Variants in KHDRBS2 observed in about 807,000 individuals in gnomAD.
KHDRBS2 encodes the protein KH RNA binding domain containing, signal transduction associated 2, also known as KH domain-containing, RNA-binding, signal transduction-associated protein 2.
KHDRBS2 carries 26 observed loss-of-function variants against 44.3 expected under a neutral mutation model. The observed-to-expected ratio is 0.59, with a 90% confidence interval of 0.43 to 0.81. The LOEUF is 0.81. KHDRBS2 is among the 40% of genes least tolerant of loss of function. The pLI is 0.00. For missense variants in KHDRBS2, 476 were observed against 433.1 expected (o/e 1.10, Z -0.88); for synonymous variants, 194 against 151.1 (o/e 1.28, Z -2.08).
chr6:61,967,716 A>T lies in KHDRBS2; in HGVS notation c.483+10350T>A, dbSNP rs1376143149. On this transcript the variant is annotated intron_variant, in intron 4 of 8. Transcript: ENST00000281156. The stretch of plus-strand genomic sequence containing the variant: ...TATTTTAATGTTGAAGTTATTTATT[A>T]GATTTCCTACACTGTCTAGGACTCA... Among the ~76,000 whole-genome samples, 15 of 151,644 alleles carry T rather than the reference A, an allele frequency of 9.9e-5. No individual in the cohort carries two copies. The Admixed American group carries it at 9.9e-4, about 10-fold the overall frequency.
chr6:61,983,236 C>CTTTT (rs1173961055), intron 3 of KHDRBS2, among the ~76,000 whole-genome samples: 3 of 118,500 alleles, frequency 2.5e-5, no homozygotes, highest in Non-Finnish European at 3.5e-5. Flanking sequence ...TTCTTTCTTT[C>CTTTT]TTTTTTTTTT....
intron 3 of KHDRBS2, among the ~76,000 whole-genome samples, chr6:62,045,178 G>T (rs750633248): frequency 6.6e-6 from 1 of 151,960 alleles, no homozygotes; most frequent in Non-Finnish European, 1.5e-5. Context: ...AAGAATGAAG[G>T]TGAGCCAGTG....
At chr6:61,746,701 C>T (rs984847520) in intron 6 of KHDRBS2, among the ~76,000 whole-genome samples, 4 of 151,910 alleles carry the variant, frequency 2.6e-5, no homozygotes, top group African/African-American at 7.3e-5. Context: ...TGGTATTTCT[C>T]AATGGTATTT....
At chr6:61,842,758 T>G (rs475351) in intron 6 of KHDRBS2, among the ~76,000 whole-genome samples, 1 of 151,840 alleles carries the variant, frequency 6.6e-6, no homozygotes, top group African/African-American at 2.4e-5. Context: ...CCACACAAAA[T>G]CTTGTACACA....
chr6:62,197,761 T>C (rs866208426), intron 1 of KHDRBS2, among the ~76,000 whole-genome samples: 1 of 152,076 alleles, frequency 6.6e-6, no homozygotes, highest in Non-Finnish European at 1.5e-5. Context: ...CAGAACTCTC[T>C]ACCCCAAATC....
intron 7 of KHDRBS2, among the ~76,000 whole-genome samples, chr6:61,710,535 A>G (rs1319565807): frequency 4.0e-5 from 6 of 151,518 alleles, no homozygotes; most frequent in Admixed American, 3.3e-4. Context: ...ACTCTGTATC[A>G]AGGCATGGTG....
rs201968549 is a variant in KHDRBS2, at chr6:61,783,733, CTAAT to C, written c.811-50973_811-50970del. ...GGTGAAATGTATTTATTTTCTAAAA[CTAAT>C]TAAATTTTTATTTTATATAAAATTA... On this transcript the variant is annotated intron_variant, in intron 6 of 8. Transcript: ENST00000281156. 4.5e-4 allele frequency among the ~76,000 whole-genome samples: 69 copies of C among 151,938 alleles called. No individual in the cohort carries two copies. The East Asian group carries it at 0.01, about 23-fold the overall frequency.
At chr6:62,064,823 C>T (rs1039443156) in intron 2 of KHDRBS2, among the ~76,000 whole-genome samples, 1 of 151,390 alleles carries the variant, frequency 6.6e-6, no homozygotes, top group African/African-American at 2.4e-5. Flanking sequence ...GCAAAAGAAA[C>T]TACCATCAGA....
intron 3 of KHDRBS2, among the ~76,000 whole-genome samples, chr6:62,020,146 T>G (rs1781986698): frequency 6.6e-6 from 1 of 152,054 alleles, no homozygotes; most frequent in Admixed American, 6.6e-5. Context: ...AAATAATGCC[T>G]ATAGTCCTTT....
the KHDRBS2 span, among the ~76,000 whole-genome samples, chr6:61,589,042 A>G: frequency 6.6e-6 from 1 of 151,956 alleles, no homozygotes. Flanking sequence ...AAGGAGGGTA[A>G]CATCACACAC....
chr6:62,024,419 C>T (rs1782927492), intron 3 of KHDRBS2, among the ~76,000 whole-genome samples: 1 of 151,422 alleles, frequency 6.6e-6, no homozygotes, highest in African/African-American at 2.4e-5. Flanking sequence ...AACTGAAGCA[C>T]ACACTACAAA....
At chr6:61,580,168 G>A in the KHDRBS2 span, among the ~76,000 whole-genome samples, 1 of 152,174 alleles carries the variant, frequency 6.6e-6, no homozygotes, top group Non-Finnish European at 1.5e-5. Context: ...AGTAAACTTT[G>A]ACAACTAATC....
chr6:62,044,440 T>C (rs1787225759), intron 3 of KHDRBS2, among the ~76,000 whole-genome samples: 1 of 151,794 alleles, frequency 6.6e-6, no homozygotes, highest in Non-Finnish European at 1.5e-5. Flanking sequence ...GAGCTGTGAT[T>C]GCACCACAAT....
At chr6:61,778,330 T>C (rs2127580358) in intron 6 of KHDRBS2, among the ~76,000 whole-genome samples, 1 of 152,288 alleles carries the variant, frequency 6.6e-6, no homozygotes, top group East Asian at 1.9e-4. Flanking sequence ...ATTCTCTTTC[T>C]TGATCTCAGT....
the KHDRBS2 span, among the ~76,000 whole-genome samples, chr6:61,580,282 C>G: frequency 1.3e-5 from 2 of 152,062 alleles, no homozygotes; most frequent in Non-Finnish European, 2.9e-5. Context: ...TTGTGTCTAG[C>G]TAAAGGATTA....
chr6:61,736,561 T>C (rs1775391417), intron 6 of KHDRBS2, among the ~76,000 whole-genome samples: 1 of 152,110 alleles, frequency 6.6e-6, no homozygotes, highest in Admixed American at 6.6e-5. Context: ...TCAAGGTCTC[T>C]AGCTTCCAAC....
intron 2 of KHDRBS2, among the ~76,000 whole-genome samples, chr6:62,083,405 C>A (rs1445269888): frequency 3.3e-5 from 5 of 152,168 alleles, no homozygotes; most frequent in Admixed American, 2.6e-4. Flanking sequence ...ATCTTCAATT[C>A]ATTTGTGCAA....
the KHDRBS2 span, among the ~76,000 whole-genome samples, chr6:61,543,965 G>A: frequency 6.6e-6 from 1 of 151,964 alleles, no homozygotes; most frequent in East Asian, 1.9e-4. Flanking sequence ...GGGTAATGGG[G>A]CTGTAGGAGT....
intron 6 of KHDRBS2, among the ~76,000 whole-genome samples, chr6:61,852,114 C>G (rs144719872): frequency 4.6e-5 from 7 of 151,590 alleles, no homozygotes; most frequent in Non-Finnish European, 1.0e-4. Context: ...CCCAGCTACT[C>G]GGGAGGCTGA....
Sources: allele counts gnomAD v4.1 joint callset (sites outside exome capture counted in the v4.1 genomes callset), GRCh38; gene constraint gnomAD v4.1.1; transcripts MANE v1.5; gene names NCBI Gene and HGNC (gene_info 2026-07-23, HGNC 2026-07-21).